MLIP: variants seen among roughly 807,000 people sequenced by gnomAD.
MLIP encodes muscular LMNA interacting protein.
A neutral mutation model predicts 84.8 loss-of-function variants in MLIP; 79 were observed. The ratio of observed to expected loss-of-function variants is 0.93; its 90% CI spans 0.78 to 1.12. The LOEUF (loss-of-function observed/expected upper bound fraction) is 1.12, where lower values mean the gene tolerates loss of function less well. Among genes scored for constraint, MLIP ranks in the 50% most tolerant of loss-of-function variants. The pLI, the probability that MLIP is intolerant of heterozygous loss-of-function variation, is 0.00. For missense variants in MLIP, 1,257 were observed against 1,160.6 expected, an observed-to-expected ratio of 1.08 and a Z score of -1.21; for synonymous variants, 504 against 463.0, an observed-to-expected ratio of 1.09 and a Z score of -1.14.
At position 54,025,136 on chromosome 6, in the gene MLIP, G is replaced by A. The variant is rs549985985; in HGVS notation, c.63+6045G>A. ...AGTGCTAGAATTACAGGCGTGAGCC[G>A]TTGCGCCCGGCCTGTAACATGTTTT... On this transcript the variant is annotated intron_variant, in intron 1 of 12. Transcript: ENST00000274897. Among the ~76,000 whole-genome samples, 7 of 151,902 alleles carry A rather than the reference G, an allele frequency of 4.6e-5. No individual in the cohort carries two copies. In the East Asian group the frequency reaches 1.2e-3, roughly 25 times the overall value.
At position 54,182,691 on chromosome 6, in the gene MLIP, A is replaced by G. The variant is rs371962512; in HGVS notation, c.2545-7179A>G. ...AGGGAATTTTTTGTCTTTGCATTAT[A>G]TGTGCCCTTCTAAATGTTTATCATT... On this transcript the variant is annotated intron_variant, in intron 9 of 13. Transcript: ENST00000502396. Among the ~76,000 whole-genome samples the G allele has an allele frequency of 3.7e-4, 56 of 152,296 alleles. 1 individual carries two copies. The highest frequency in any genetic ancestry group is 1.3e-3 in the East Asian group (7 of 5,194).
intron 1 of MLIP, chr6:54,083,543 T>G (rs1767299003): frequency 6.5e-7 from 1 of 1,535,974 alleles, no homozygotes; most frequent in Non-Finnish European, 8.7e-7. Flanking sequence ...CAACCACTGC[T>G]TTCTTGACAT....
intron 11 of MLIP, chr6:54,216,658 T>A (rs1037854029): frequency 5.1e-6 from 5 of 980,924 alleles, no homozygotes; most frequent in Middle Eastern, 5.2e-4. Flanking sequence ...AAATTTTTCA[T>A]ACTTCACAAG....
At chr6:54,028,704 C>T (rs781130671) in intron 1 of MLIP, among the ~76,000 whole-genome samples, 2 of 152,160 alleles carry the variant, frequency 1.3e-5, no homozygotes, top group African/African-American at 2.4e-5. Context: ...TTGTAGACCT[C>T]CTGCCTGCTG....
At chr6:54,224,871 AAT>A (rs1422939200) in intron 11 of MLIP, among the ~76,000 whole-genome samples, 2 of 152,136 alleles carry the variant, frequency 1.3e-5, no homozygotes, top group African/African-American at 4.8e-5. Context: ...CACTTAGAAT[AAT>A]AGTCTCCAGT....
chr6:54,109,234 TCTTA>T (rs1172822383), upstream of MLIP, among the ~76,000 whole-genome samples: 1 of 147,170 alleles, frequency 6.8e-6, no homozygotes, highest in African/African-American at 2.5e-5. Context: ...CTTTTTTTTG[TCTTA>T]CTTGCCTTTA....
intron 4 of MLIP, among the ~76,000 whole-genome samples, chr6:54,142,256 C>T (rs979708062): frequency 6.6e-6 from 1 of 152,148 alleles, no homozygotes. Context: ...TGTTCAAAGA[C>T]AGTTTATATT....
At chr6:54,197,593 T>C (rs753369892) in intron 10 of MLIP, among the ~76,000 whole-genome samples, 2 of 152,124 alleles carry the variant, frequency 1.3e-5, no homozygotes, top group Non-Finnish European at 2.9e-5. Flanking sequence ...TCTTGTGCCC[T>C]TTGTGCTGGC....
At chr6:54,235,969 GC>G (rs1781332094) in intron 12 of MLIP, among the ~76,000 whole-genome samples, 1 of 152,034 alleles carries the variant, frequency 6.6e-6, no homozygotes, top group South Asian at 2.1e-4. Context: ...TTACTTTTGT[GC>G]CCCTACAGCT....
chr6:54,239,638 T>A (rs941567882), intron 12 of MLIP, among the ~76,000 whole-genome samples: 6 of 146,586 alleles, frequency 4.1e-5, no homozygotes, highest in African/African-American at 7.7e-5. Context: ...AAAAAAAAAA[T>A]TAGCTGGGCA....
intron 12 of MLIP, among the ~76,000 whole-genome samples, chr6:54,247,121 T>C (rs1219717550): frequency 6.6e-6 from 1 of 152,172 alleles, no homozygotes; most frequent in Non-Finnish European, 1.5e-5. Context: ...GAATATATTT[T>C]AATCATCCCA....
rs139968765 is a variant in MLIP at position 54,020,904 on chromosome 6, C to T, written c.63+1813C>T. On this transcript the variant is annotated intron_variant, in intron 1 of 12. Transcript: ENST00000274897. ...AGGGGTGGCAGGAACACATGAAAGC[C>T]CAGTGTCTGGGGTAGTTAAGTGTAC... 1.6e-3 allele frequency among the ~76,000 whole-genome samples: 245 copies of T among 152,184 alleles called. 1 individual carries two copies. The highest frequency in any genetic ancestry group is 5.8e-3 in the African/African-American group (242 of 41,518).
At chr6:54,170,691 T>C (rs1150880) in intron 9 of MLIP, among the ~76,000 whole-genome samples, 128,767 of 151,516 alleles carry the variant, frequency 0.85, 55,761 homozygotes, top group Non-Finnish European at 0.94. Context: ...GAAATGGGGA[T>C]ACTAATAATT....
intron 1 of MLIP, chr6:54,041,029 C>T (rs1694454840): frequency 6.6e-6 from 1 of 152,028 alleles, no homozygotes; most frequent in African/African-American, 2.4e-5. Context: ...AAAATGTACC[C>T]ATGTAACAAA....
chr6:54,169,027 A>T (rs928245623), intron 8 of MLIP, among the ~76,000 whole-genome samples: 1 of 151,636 alleles, frequency 6.6e-6, no homozygotes, highest in South Asian at 2.1e-4. Context: ...TGGATGTTGC[A>T]CTAGTAGCAC....
chr6:54,027,556 G>A (rs1448388375), intron 1 of MLIP, among the ~76,000 whole-genome samples: 3 of 152,070 alleles, frequency 2.0e-5, no homozygotes, highest in Admixed American at 2.0e-4. Context: ...CTTAATTTTA[G>A]CCCCTCTGCA....
chr6:54,228,519 C>G (rs1427643845), intron 11 of MLIP, among the ~76,000 whole-genome samples: 1 of 152,200 alleles, frequency 6.6e-6, no homozygotes, highest in African/African-American at 2.4e-5. Flanking sequence ...AGGACAACAC[C>G]TGATCCTACA....
intron 1 of MLIP, among the ~76,000 whole-genome samples, chr6:54,112,935 A>G (rs984654907): frequency 3.9e-5 from 6 of 152,188 alleles, no homozygotes; most frequent in African/African-American, 1.4e-4. Flanking sequence ...AGTTCATAGC[A>G]TGTGACATAC....
chr6:54,034,748 T>C (rs1364376530), intron 1 of MLIP, among the ~76,000 whole-genome samples: 2 of 152,028 alleles, frequency 1.3e-5, no homozygotes, highest in Non-Finnish European at 2.9e-5. Context: ...GAAAAAATAT[T>C]TTTATGTATT....
Sources: gnomAD v4.1 joint callset for allele counts (sites outside exome capture counted in the v4.1 genomes callset) on GRCh38, gnomAD v4.1.1 for gene constraint, MANE v1.5 for transcripts, NCBI Gene and HGNC (gene_info 2026-07-23, HGNC 2026-07-21) for gene names.